The following ZC2HC1A variants were observed in gnomAD, a reference collection of about 807,000 sequenced individuals.
ZC2HC1A encodes zinc finger C2HC domain-containing protein 1A.
ZC2HC1A carries 28 observed loss-of-function variants against 40.7 expected under a neutral mutation model. The ratio of observed to expected loss-of-function variants is 0.69; its 90% CI spans 0.51 to 0.94. The LOEUF is 0.94. ZC2HC1A is among the 40% of genes least tolerant of loss of function. The pLI is 0.00. For missense variants in ZC2HC1A, 389 were observed against 386.3 expected (o/e 1.01, Z -0.06); for synonymous variants, 129 against 129.2 (o/e 1.00, Z 0.01).
intron 7 of ZC2HC1A, among the ~76,000 whole-genome samples, chr8:78,707,066 A>G (rs757910032): frequency 3.0e-4 from 45 of 152,170 alleles, no homozygotes; most frequent in Non-Finnish European, 5.7e-4. Flanking sequence ...TTCTCCAATG[A>G]GTTGACTCAT....
intron 1 of ZC2HC1A, among the ~76,000 whole-genome samples, chr8:78,674,660 A>G (rs1809523336): frequency 6.6e-6 from 1 of 152,168 alleles, no homozygotes; most frequent in Non-Finnish European, 1.5e-5. Flanking sequence ...AGTAATCACT[A>G]TCCACCAGTC....
chr8:78,701,838 C>T (rs960062997), intron 7 of ZC2HC1A, among the ~76,000 whole-genome samples: 1 of 152,132 alleles, frequency 6.6e-6, no homozygotes, highest in Admixed American at 6.5e-5. Flanking sequence ...AGGGATGAAG[C>T]CTACTTGATC....
intron 7 of ZC2HC1A, among the ~76,000 whole-genome samples, chr8:78,714,927 T>A (rs1292331703): frequency 6.6e-6 from 1 of 152,178 alleles, no homozygotes; most frequent in East Asian, 1.9e-4. Flanking sequence ...ATTTAAACTG[T>A]TTTTAAAAAT....
intron 7 of ZC2HC1A, among the ~76,000 whole-genome samples, chr8:78,711,603 T>C (rs13267679): frequency 0.21 from 31,358 of 151,956 alleles, 3,620 homozygotes; most frequent in Middle Eastern, 0.35. Flanking sequence ...ATATGAAGAG[T>C]AGAGAAAGTT....
chr8:78,706,570 C>T (rs1046789588), intron 7 of ZC2HC1A, among the ~76,000 whole-genome samples: 2 of 152,118 alleles, frequency 1.3e-5, no homozygotes, highest in Admixed American at 6.6e-5. Context: ...TCACCTTGCT[C>T]TGTGTCGCTC....
In ZC2HC1A at chr8:78,675,675, A is replaced by G. The variant is rs1809556479; in HGVS notation, c.17-112A>G. On this transcript the variant is annotated intron_variant, in intron 1 of 8. Transcript: ENST00000263849. ...TGCTTATTTCAAAATGCAGTAAAAC[A>G]TTTTTCACAAAAACTGATAATTTAC... The G allele has an allele frequency of 2.2e-5, 22 of 1,005,948 alleles. No homozygotes were observed. The South Asian group carries it at 3.7e-4, about 17-fold the overall frequency. 62.3% of individuals were successfully genotyped at this position (1,005,948 alleles called of 1,614,324 possible). A position where few individuals can be genotyped will look rare whatever the true frequency, so the allele number is the denominator to read the frequency against.
Position 78,666,103 on chromosome 8 carries a change from G to T in ZC2HC1A, c.-46G>T. On this transcript the variant is annotated 5_prime_UTR_variant, in exon 1 of 9. Coordinates refer to ENST00000263849, the MANE Select transcript of ZC2HC1A (RefSeq NM_016010.3). ...TTGCTACAGCCAGAGCTGGGCGGTGGCGGGCGCTGCTGAAGGAGTCTCGCT... is the reference window on the plus strand; with the variant it reads ...TTGCTACAGCCAGAGCTGGGCGGTGTCGGGCGCTGCTGAAGGAGTCTCGCT... 1 of 1,556,832 alleles carries T rather than the reference G, an allele frequency of 6.4e-7. No homozygotes were observed.
chr8:78,666,423 C>A (rs970004895), intron 1 of ZC2HC1A, among the ~76,000 whole-genome samples: 8 of 152,250 alleles, frequency 5.3e-5, no homozygotes, highest in African/African-American at 1.9e-4. Context: ...CCTGGCAAGA[C>A]GCCTGCACGT....
chr8:78,706,507 C>T (rs535132890), intron 7 of ZC2HC1A, among the ~76,000 whole-genome samples: 1 of 152,206 alleles, frequency 6.6e-6, no homozygotes, highest in African/African-American at 2.4e-5. Flanking sequence ...GTTGGAGAAG[C>T]GTGGTTTCCC....
intron 7 of ZC2HC1A, among the ~76,000 whole-genome samples, chr8:78,699,238 G>A (rs1810524393): frequency 6.6e-6 from 1 of 151,954 alleles, no homozygotes; most frequent in African/African-American, 2.4e-5. Flanking sequence ...ATATTTACAT[G>A]GCTTTTAATG....
chr8:78,701,086 A>G (rs975563451), intron 7 of ZC2HC1A, among the ~76,000 whole-genome samples: 1 of 152,216 alleles, frequency 6.6e-6, no homozygotes, highest in African/African-American at 2.4e-5. Context: ...TTTAGGCAGT[A>G]TCACCATTTT....
In ZC2HC1A at chr8:78,667,735, C is replaced by T. The variant is rs1006956224; in HGVS notation, c.16+1571C>T. Among the ~76,000 whole-genome samples, 5 of 152,172 alleles carry T rather than the reference C, an allele frequency of 3.3e-5. No individual in the cohort carries two copies. The East Asian group carries it at 9.6e-4, about 29-fold the overall frequency. On this transcript the variant is annotated intron_variant, in intron 1 of 8. Transcript: ENST00000263849. ...AAAAATGATAAAGCTTTACTCTCAT[C>T]GAACCTACATTTTAGTGGACCTTAC...
intron 5 of ZC2HC1A, among the ~76,000 whole-genome samples, chr8:78,689,622 C>A (rs1372817791): frequency 6.6e-6 from 1 of 151,656 alleles, no homozygotes. Context: ...TGTCTTAGCA[C>A]GTTTTGTATA....
intron 6 of ZC2HC1A, 54 bp downstream of exon 6, chr8:78,697,560 C>A (rs1810465436): frequency 2.9e-6 from 4 of 1,386,946 alleles, no homozygotes; most frequent in Admixed American, 3.9e-5. Flanking sequence ...GTTGGCAGAG[C>A]AGGAAATAAA....
chr8:78,681,623 G>T (rs879727934), intron 3 of ZC2HC1A, among the ~76,000 whole-genome samples: 2 of 152,092 alleles, frequency 1.3e-5, no homozygotes, highest in Non-Finnish European at 2.9e-5. Context: ...ATTGATGCTA[G>T]ATTTTTCTTA....
In ZC2HC1A at chr8:78,675,838, G is replaced by A. The variant is rs753007013; in HGVS notation, c.68G>A (p.Gly23Glu). The A allele has an allele frequency of 8.7e-6, 14 of 1,611,374 alleles. No homozygotes were observed. Among genetic ancestry groups the A allele is most frequent in the Non-Finnish European group, 1.2e-5 (14 of 1,178,330 alleles). The stretch of plus-strand genomic sequence containing the variant: ...GAATTGTTACCTTGCAAGATTTGTG[G>A]AAGAACATTCTTTCCAGTAGCATTA... The part of the protein sequence containing the change: ...VGELLPCKIC[G>E]RTFFPVALKK... The change falls in exon 2 of 9, where the codon GGA becomes GAA. Residue 23 changes from glycine to glutamate, a missense_variant. By Grantham distance (98) the Gly-to-Glu change is moderately conservative (BLOSUM62 -2). Transcript: ENST00000263849.
In ZC2HC1A at chr8:78,675,395, C is replaced by T. The variant is rs1049166657; in HGVS notation, c.17-392C>T. Among the ~76,000 whole-genome samples, 42 of 151,900 alleles carry T rather than the reference C, an allele frequency of 2.8e-4. 1 individual carries two copies. The highest frequency in any genetic ancestry group is 1.5e-5 in the Non-Finnish European group (1 of 67,896). On this transcript the variant is annotated intron_variant, in intron 1 of 8. Transcript: ENST00000263849. Reference sequence around the variant, plus strand: ...AATCATCTCAGGAAGTCACTGAACTCATCACTAATGGTATTTCTTCATGCC... The same window carrying T: ...AATCATCTCAGGAAGTCACTGAACTTATCACTAATGGTATTTCTTCATGCC...
At chr8:78,702,923 G>T (rs994262054) in intron 7 of ZC2HC1A, among the ~76,000 whole-genome samples, 2 of 152,014 alleles carry the variant, frequency 1.3e-5, no homozygotes, top group African/African-American at 4.8e-5. Context: ...TTGAGATGGA[G>T]TTTCACTCTG....
Position 78,666,119 on chromosome 8 carries a change from G to C in ZC2HC1A, c.-30G>C, listed in dbSNP as rs1349072276. On this transcript the variant is annotated 5_prime_UTR_variant, in exon 1 of 9. Transcript: ENST00000263849. ...TGGGCGGTGGCGGGCGCTGCTGAAG[G>C]AGTCTCGCTGAGCTCGAGGAGGTGG... 1 of 1,562,498 alleles carries C rather than the reference G, an allele frequency of 6.4e-7. No individual in the cohort carries two copies. The highest frequency in any genetic ancestry group is 1.4e-5 in the African/African-American group (1 of 73,964).
Sources: gnomAD v4.1 joint callset for allele counts (sites outside exome capture counted in the v4.1 genomes callset) on GRCh38, gnomAD v4.1.1 for gene constraint, MANE v1.5 for transcripts, NCBI Gene and HGNC (gene_info 2026-07-23, HGNC 2026-07-21) for gene names.